The following RECQL5 variants were observed in gnomAD, a reference collection of about 807,000 sequenced individuals.
RECQL5 encodes RecQ like helicase 5, also known as ATP-dependent DNA helicase Q5.
A neutral mutation model predicts 103.4 loss-of-function variants in RECQL5; 88 were observed. The observed-to-expected ratio is 0.85, with a 90% CI of 0.72 to 1.02. The LOEUF (loss-of-function observed/expected upper bound fraction) is 1.02, where lower values mean the gene tolerates loss of function less well. Among genes scored for constraint, RECQL5 ranks in the 50% least tolerant of loss-of-function variants. RECQL5 has a pLI of 0.00. For missense variants in RECQL5, 1,232 were observed against 1,284.3 expected (o/e 0.96, Z 0.62); for synonymous variants, 552 against 507.9 (o/e 1.09, Z -1.17).
chr17:75,664,794 TC>T (rs1202439678), intron 3 of RECQL5, among the ~76,000 whole-genome samples: 4 of 151,004 alleles, frequency 2.6e-5, no homozygotes, highest in African/African-American at 9.8e-5. Flanking sequence ...ACACCTGTAA[TC>T]CCAGCTATAT....
At chr17:75,641,561 G>A (rs1568271117) in intron 8 of RECQL5, among the ~76,000 whole-genome samples, 2 of 152,192 alleles carry the variant, frequency 1.3e-5, no homozygotes, top group South Asian at 4.1e-4. Context: ...TTAACACCAC[G>A]GGACCAGTGG....
chr17:75,633,431 G>A lies in RECQL5; in HGVS notation c.1230-1763C>T, dbSNP rs1427290271. 8 of 1,288,674 alleles carry A rather than the reference G, an allele frequency of 6.2e-6. No homozygotes were observed. The South Asian group carries it at 7.4e-5, about 12-fold the overall frequency. 79.8% of individuals were successfully genotyped at this position (1,288,674 alleles called of 1,614,324 possible). A position where few individuals can be genotyped will look rare whatever the true frequency, so the allele number is the denominator to read the frequency against. The stretch of plus-strand genomic sequence containing the variant: ...GCCCTGACAGCTGGGCCAGGAGTGC[G>A]GTCACAGCCCCAGCAGAAGGCCCTC... On this transcript the variant is annotated intron_variant, in intron 8 of 19. Coordinates refer to ENST00000317905, the MANE Select transcript of RECQL5 (RefSeq NM_004259.7).
chr17:75,629,567 G>A (rs1253875161), intron 15 of RECQL5, 92 bp from the exon 16 acceptor site: 5 of 1,499,538 alleles, frequency 3.3e-6, no homozygotes, highest in South Asian at 1.4e-5. Context: ...TTGGGACGGG[G>A]CTCTCAGGAG....
intron 1 of RECQL5, chr17:75,666,793 T>C (rs573519522): frequency 2.4e-4 from 127 of 525,232 alleles, no homozygotes; most frequent in Non-Finnish European, 3.7e-4. Context: ...CATTGAACTA[T>C]TCCAGGCCAC....
rs1214573794 is a variant in RECQL5, at chr17:75,627,456, G to T, written c.2942C>A (p.Ala981Asp). The T allele has an allele frequency of 1.2e-6, 2 of 1,613,592 alleles. No homozygotes were observed. Among genetic ancestry groups the T allele is most frequent in the Non-Finnish European group, 1.7e-6 (2 of 1,180,026 alleles). Residue 981 changes from alanine (A) to aspartate (D), a missense_variant, in exon 20 of 20, where the codon GCT becomes GAT. By Grantham distance (126) the Ala-to-Asp change is moderately radical. Transcript: ENST00000317905. ...FHGRARCESE[A>D]DWHGLCGPQR ...GGGGCCACACAGGCCATGCCAGTCA[G>T]CTTCGCTCTCGCACCGGGCCCGGCC... is the stretch of plus-strand genomic sequence containing the variant.
chr17:75,639,098 C>G (rs997350430), intron 8 of RECQL5: 1 of 152,316 alleles, frequency 6.6e-6, no homozygotes, highest in Non-Finnish European at 1.5e-5. Flanking sequence ...GGGCCCCGTT[C>G]GATGACCTTC....
chr17:75,663,084 C>G, intron 3 of RECQL5, 87 bp from the exon 4 acceptor site: 1 of 1,292,142 alleles, frequency 7.7e-7, no homozygotes, highest in African/African-American at 1.5e-5. Flanking sequence ...CAGTCATAAA[C>G]TGTCCTCCTC....
Position 75,658,451 on chromosome 17 carries a change from G to T in RECQL5, c.996C>A (p.Ala332=), listed in dbSNP as rs779819049. ...GVDKANVRFV[A]HWNIAKSMAG... is the part of the protein sequence containing the mutation. ...CCATAGACTTGGCAATATTCCAATG[G>T]GCGACAAACCTGTAGGATCCAAAGG... Residue 332 remains alanine (A), a synonymous_variant, in exon 7 of 20, where the codon GCC becomes GCA. Coordinates refer to ENST00000317905, the MANE Select transcript of RECQL5 (RefSeq NM_004259.7). 57 of 1,613,496 alleles carry T rather than the reference G, an allele frequency of 3.5e-5. No homozygotes were observed. In the East Asian group the frequency reaches 1.2e-3, roughly 35 times the overall value.
intron 8 of RECQL5, chr17:75,639,882 A>C (rs954341916): frequency 1.4e-5 from 4 of 277,936 alleles, no homozygotes; most frequent in Non-Finnish European, 2.7e-5. Context: ...AAGACAAGGG[A>C]ATGGAACAGC....
Position 75,640,163 on chromosome 17 carries a change from C to A in RECQL5, c.1230-8495G>T. ...GCTCCAGGTGTTCTCTCTGCCCCAG[C>A]AGAGCCCGGCAGGAGCCCCAACAGG... is the stretch of plus-strand genomic sequence containing the variant. On this transcript the variant is annotated intron_variant, in intron 8 of 19. Coordinates refer to ENST00000317905, the MANE Select transcript of RECQL5 (RefSeq NM_004259.7). The surrounding 1 kb of genome is among the most constrained non-coding windows in gnomAD (Gnocchi z 4.6). The A allele has an allele frequency of 1.3e-6, 2 of 1,518,798 alleles. No homozygotes were observed. The highest frequency in any genetic ancestry group is 1.4e-5 in the African/African-American group (1 of 72,472). The allele number at this position is 1,518,798 out of a possible 1,614,324, so 94.1% of individuals were successfully genotyped here.
At chr17:75,631,776 C>T (rs999493189) in intron 8 of RECQL5, 108 bp from the exon 9 acceptor site, 8 of 1,154,014 alleles carry the variant, frequency 6.9e-6, no homozygotes, top group Admixed American at 4.2e-5. Context: ...CGTCCGGCAC[C>T]ATGCCGGGAG....
rs1226756008 is a variant in RECQL5, at chr17:75,662,846, G to A, written c.404C>T (p.Ser135Leu). ...ILYITPEMAASSSFQPTLNSL... is the reference protein window; with the variant it reads ...ILYITPEMAALSSFQPTLNSL... ...GTTCAGGGTGGGCTGGAAGGAGGAT[G>A]AAGCTGCCATCTCTGGGGTGATGTA... Residue 135 changes from serine to leucine, a missense_variant, in exon 4 of 20, where the codon TCA (serine) becomes TTA (leucine). Ser to Leu is a moderately radical substitution (Grantham distance 145). Coordinates refer to ENST00000317905, the MANE Select transcript of RECQL5 (RefSeq NM_004259.7). The A allele has an allele frequency of 3.1e-6, 5 of 1,614,056 alleles. No individual in the cohort carries two copies. In the Admixed American group the frequency reaches 6.7e-5, roughly 22 times the overall value.
chr17:75,661,956 G>A (rs1448099159), intron 4 of RECQL5, among the ~76,000 whole-genome samples: 2 of 152,226 alleles, frequency 1.3e-5, no homozygotes, highest in Non-Finnish European at 2.9e-5. Context: ...GAGGCCAGGA[G>A]TTAGAGACCA....
At chr17:75,641,926 C>G (rs2059440136) in intron 8 of RECQL5, among the ~76,000 whole-genome samples, 1 of 152,128 alleles carries the variant, frequency 6.6e-6, no homozygotes, top group Non-Finnish European at 1.5e-5. Context: ...TGGAGCAAAT[C>G]CTGGTACTGC....
intron 8 of RECQL5, chr17:75,638,607 G>A (rs820201): frequency 0.34 from 50,978 of 152,120 alleles, 8,761 homozygotes; most frequent in East Asian, 0.49. Flanking sequence ...GCTAGTGACG[G>A]TGCACGGGGG....
intron 6 of RECQL5, among the ~76,000 whole-genome samples, chr17:75,658,774 T>TA (rs942783311): frequency 3.3e-5 from 5 of 152,210 alleles, no homozygotes; most frequent in African/African-American, 1.2e-4. Context: ...ACTTATGAGC[T>TA]ATGCAAATTT....
chr17:75,655,884 G>A (rs531650965), intron 7 of RECQL5, among the ~76,000 whole-genome samples: 14 of 151,718 alleles, frequency 9.2e-5, no homozygotes, highest in African/African-American at 3.4e-4. Flanking sequence ...GCTTCACTAT[G>A]TTGGGCCGGA....
chr17:75,661,537 T>C (rs2059699164), intron 5 of RECQL5, 69 bp downstream of exon 5: 3 of 1,087,302 alleles, frequency 2.8e-6, no homozygotes, highest in Non-Finnish European at 4.2e-6. Context: ...CCAGGATCTG[T>C]AAAGAACAAG....
chr17:75,633,409 C>T (rs2059258236), intron 8 of RECQL5: 2 of 1,283,914 alleles, frequency 1.6e-6, no homozygotes, highest in Non-Finnish European at 2.0e-6. Flanking sequence ...GAGCCCTGCC[C>T]TGACAGCTGG....
Sources: allele counts gnomAD v4.1 joint callset (sites outside exome capture counted in the v4.1 genomes callset), GRCh38; gene constraint gnomAD v4.1.1; non-coding constraint Gnocchi (gnomAD v3.1); transcripts MANE v1.5; gene names NCBI Gene and HGNC (gene_info 2026-07-23, HGNC 2026-07-21).